The following RERE variants were observed in gnomAD, a reference collection of about 807,000 sequenced individuals.
The protein encoded by RERE is arginine-glutamic acid dipeptide repeats protein.
Under a neutral mutation model 146.1 loss-of-function variants are expected in RERE, and 40 were observed. The observed-to-expected ratio is 0.27, with a 90% confidence interval of 0.21 to 0.36. RERE has a LOEUF of 0.36. Ranked by LOEUF, RERE falls within the 10% of genes least tolerant of loss-of-function variation. The probability of loss-of-function intolerance (pLI) is 1.00; values close to 1 mark genes in which losing one functional copy is unlikely to be tolerated. For missense variants in RERE, 1,933 were observed against 2,138.7 expected, an observed-to-expected ratio of 0.90 and a Z score of 1.90; for synonymous variants, 1,003 against 866.0, an observed-to-expected ratio of 1.16 and a Z score of -2.78.
chr1:8,766,957 A>T (rs186327786), intron 1 of RERE, among the ~76,000 whole-genome samples: 109 of 152,350 alleles, frequency 7.2e-4, no homozygotes, highest in African/African-American at 2.5e-3. Flanking sequence ...AACAGAATTC[A>T]ACTTGAATTA....
At chr1:8,647,032 G>A (rs1220195407) in intron 2 of RERE, among the ~76,000 whole-genome samples, 1 of 152,184 alleles carries the variant, frequency 6.6e-6, no homozygotes. Flanking sequence ...GCTGCAGTGA[G>A]CAATGATCAT....
chr1:8,605,648 C>T (rs1385999528), intron 4 of RERE, among the ~76,000 whole-genome samples: 1 of 145,298 alleles, frequency 6.9e-6, no homozygotes, highest in Non-Finnish European at 1.5e-5. Context: ...ACTTGGGAAG[C>T]TGAGGCAGGA....
At chr1:8,383,455 T>C (rs1443226370) in intron 12 of RERE, among the ~76,000 whole-genome samples, 1 of 152,088 alleles carries the variant, frequency 6.6e-6, no homozygotes, top group Non-Finnish European at 1.5e-5. Flanking sequence ...TTAGCTTTGA[T>C]GCACAGATTG....
chr1:8,358,694 T>C lies in RERE; in HGVS notation c.3841A>G (p.Thr1281Ala), dbSNP rs2784734. The C allele has an allele frequency of 2.0e-5, 32 of 1,588,186 alleles. No individual in the cohort carries two copies. The highest frequency in any genetic ancestry group is 2.7e-5 in the Non-Finnish European group (31 of 1,165,166). The change falls in exon 20 of 23, where the codon ACG (threonine) becomes GCG (alanine). Residue 1281 changes from threonine (T) to alanine (A), a missense_variant. By Grantham distance (58) the Thr-to-Ala change is moderately conservative. Coordinates refer to ENST00000400908, the MANE Select transcript of RERE (RefSeq NM_001042681.2). ...ATGTGGTAGGCCAGCAGGGGGTCCG[T>C]GGGGTTAAGGGGCATGTAGAAGGGG... ...NHPFYMPLNP[T>A]DPLLAYHMPG...
chr1:8,416,586 C>CAAAAAA (rs5772324), intron 12 of RERE, among the ~76,000 whole-genome samples: 35 of 105,476 alleles, frequency 3.3e-4, no homozygotes, highest in East Asian at 7.2e-4. Flanking sequence ...ACTCCATCTC[C>CAAAAAA]AAAAAAAAAA....
rs146580016 is a variant in RERE, at chr1:8,808,047, G to C, written c.-145+9113C>G. On this transcript the variant is annotated intron_variant, in intron 1 of 22. Coordinates refer to ENST00000400908, the MANE Select transcript of RERE (RefSeq NM_001042681.2). ...TAGTAACAGCACTTTGGGAGGCCGA[G>C]GTGGGAGAATCACTTGGACCCTCAA... Among the ~76,000 whole-genome samples, 207 of 151,818 alleles carry C rather than the reference G, an allele frequency of 1.4e-3. 3 individuals are homozygous for C. The South Asian group carries it at 0.024, about 18-fold the overall frequency.
At chr1:8,480,091 A>C (rs1644811198) in intron 10 of RERE, among the ~76,000 whole-genome samples, 1 of 152,012 alleles carries the variant, frequency 6.6e-6, no homozygotes, top group South Asian at 2.1e-4. Flanking sequence ...TTACCAAATA[A>C]ATAAATGAAT....
At chr1:8,434,487 A>G (rs894518590) in intron 11 of RERE, 8 of 152,164 alleles carry the variant, frequency 5.3e-5, no homozygotes, top group African/African-American at 1.4e-4. Flanking sequence ...GTGACAAACT[A>G]TATTTTCTAG....
chr1:8,363,426 G>A (rs995346919), intron 15 of RERE, among the ~76,000 whole-genome samples: 5 of 152,192 alleles, frequency 3.3e-5, no homozygotes, highest in Non-Finnish European at 7.3e-5. Flanking sequence ...CTGAGTGAGC[G>A]GGGGCCGGGC....
intron 12 of RERE, among the ~76,000 whole-genome samples, chr1:8,410,205 G>C (rs751689615): frequency 2.0e-5 from 3 of 152,040 alleles, no homozygotes; most frequent in Non-Finnish European, 4.4e-5. Context: ...GGGCAGGGGA[G>C]GGGGGCCGCC....
chr1:8,727,818 C>G (rs538542800), intron 1 of RERE, among the ~76,000 whole-genome samples: 1 of 152,274 alleles, frequency 6.6e-6, no homozygotes, highest in African/African-American at 2.4e-5. Flanking sequence ...TAAAGGTCAG[C>G]AGTACTTCCC....
rs570447276 is a variant in RERE at position 8,352,790 on chromosome 1, G to C, written c.*2297C>G. The C allele has an allele frequency of 2.6e-5, 4 of 152,394 alleles. No homozygotes were observed. The highest frequency in any genetic ancestry group is 7.2e-5 in the African/African-American group (3 of 41,442). The allele number at this position is 152,394 out of a possible 1,614,324, so 9.4% of individuals were successfully genotyped here. On this transcript the variant is annotated 3_prime_UTR_variant, in exon 23 of 23. Transcript: ENST00000400908. ...GTTTATCTGGTGAGGGTTTCGGGTC[G>C]AGGGTTTTTTAGATGGAAGAATCTC... is the stretch of plus-strand genomic sequence containing the variant.
chr1:8,499,231 A>C (rs1570343707), intron 8 of RERE, among the ~76,000 whole-genome samples: 1 of 152,272 alleles, frequency 6.6e-6, no homozygotes, highest in Non-Finnish European at 1.5e-5. Flanking sequence ...CAAACAATTT[A>C]AGTGAATGCA....
At position 8,494,999 on chromosome 1, in the gene RERE, C is replaced by G. The variant is rs554156106; in HGVS notation, c.1104+64G>C. The G allele has an allele frequency of 6.4e-4, 762 of 1,184,084 alleles. 6 individuals are homozygous for G. The African/African-American group carries it at 1.0e-2, about 16-fold the overall frequency. 73.3% of individuals were successfully genotyped at this position (1,184,084 alleles called of 1,614,324 possible). Reference sequence around the variant, plus strand: ...TCATGCTCCGCACTCATCACACATTCCCTACAGCCAGTTCAGGGGAAAAAG... The same window carrying G: ...TCATGCTCCGCACTCATCACACATTGCCTACAGCCAGTTCAGGGGAAAAAG... On this transcript the variant is annotated intron_variant, in intron 10 of 22. Transcript: ENST00000400908.
intron 10 of RERE, among the ~76,000 whole-genome samples, chr1:8,470,574 G>A (rs1317628354): frequency 6.6e-6 from 1 of 152,006 alleles, no homozygotes; most frequent in African/African-American, 2.4e-5. Context: ...TTTCTTGAAT[G>A]GATGAAGGAA....
intron 4 of RERE, among the ~76,000 whole-genome samples, chr1:8,614,238 T>G (rs1646825421): frequency 6.6e-6 from 1 of 152,148 alleles, no homozygotes; most frequent in African/African-American, 2.4e-5. Context: ...GAGCTCAAAC[T>G]TACCCCCTTT....
chr1:8,664,184 C>A (rs1156258309), intron 1 of RERE, among the ~76,000 whole-genome samples: 4 of 152,178 alleles, frequency 2.6e-5, no homozygotes, highest in African/African-American at 7.2e-5. Flanking sequence ...TTTTCCTCAT[C>A]ATTATTTGAT....
chr1:8,748,170 A>AC (rs1292416015), intron 1 of RERE, among the ~76,000 whole-genome samples: 1 of 152,122 alleles, frequency 6.6e-6, no homozygotes, highest in Non-Finnish European at 1.5e-5. Context: ...ACCCTTATTT[A>AC]CCTCTACCAT....
chr1:8,557,890 G>C (rs1646025919), intron 4 of RERE, among the ~76,000 whole-genome samples: 1 of 151,984 alleles, frequency 6.6e-6, no homozygotes, highest in South Asian at 2.1e-4. Context: ...TAATCATTTT[G>C]GTAAATATTT....
Sources: gnomAD v4.1 joint callset for allele counts (sites outside exome capture counted in the v4.1 genomes callset) on GRCh38, gnomAD v4.1.1 for gene constraint, MANE v1.5 for transcripts, NCBI Gene and HGNC (gene_info 2026-07-23, HGNC 2026-07-21) for gene names.